Variants in COL14A1 observed in about 807,000 individuals in gnomAD.
The protein encoded by COL14A1 is collagen alpha-1(XIV) chain.
In COL14A1, 136 loss-of-function variants were observed where a neutral mutation model predicts 230.3. The ratio of observed to expected loss-of-function variants is 0.59; its 90% CI spans 0.51 to 0.68. The LOEUF (loss-of-function observed/expected upper bound fraction) is 0.68, where lower values mean the gene tolerates loss of function less well. Ranked by LOEUF, COL14A1 falls within the 30% of genes least tolerant of loss-of-function variation. The pLI, the probability that COL14A1 is intolerant of heterozygous loss-of-function variation, is 0.00. For synonymous variants in COL14A1, 792 were observed against 784.1 expected (o/e 1.01, Z -0.17); for missense variants, 1,976 against 2,215.8 (o/e 0.89, Z 2.17).
chr8:120,191,028 T>C (rs1816806418), intron 5 of COL14A1, among the ~76,000 whole-genome samples: 1 of 145,766 alleles, frequency 6.9e-6, no homozygotes, highest in Non-Finnish European at 1.5e-5. Context: ...GAAGGGTTTT[T>C]TGTGTCTCTA....
At chr8:120,216,982 C>T (rs975144392) in intron 14 of COL14A1, among the ~76,000 whole-genome samples, 1 of 152,146 alleles carries the variant, frequency 6.6e-6, no homozygotes, top group Non-Finnish European at 1.5e-5. Flanking sequence ...GAGATGTCAC[C>T]AGCTTCACCC....
chr8:120,238,551 G>T lies in COL14A1; in HGVS notation c.2350-5328G>T, dbSNP rs114407587. On this transcript the variant is annotated intron_variant, in intron 19 of 47. Transcript: ENST00000297848. ...GATCTTAGCTTGTTGGGCTCCGTGGGGGTTGGATCTGCTGAGCAAGACCAC... is the reference window on the plus strand; with the variant it reads ...GATCTTAGCTTGTTGGGCTCCGTGGTGGTTGGATCTGCTGAGCAAGACCAC... 8.8e-3 allele frequency among the ~76,000 whole-genome samples: 1,346 copies of T among 152,298 alleles called. 20 individuals carry two copies. Among genetic ancestry groups the T allele is most frequent in the African/African-American group, 0.031 (1,281 of 41,572 alleles).
At chr8:120,360,225 T>C (rs1472660678) in intron 45 of COL14A1, among the ~76,000 whole-genome samples, 1 of 152,202 alleles carries the variant, frequency 6.6e-6, no homozygotes, top group Non-Finnish European at 1.5e-5. Flanking sequence ...TATTGCCTTG[T>C]AGCACCCAGA....
intron 1 of COL14A1, among the ~76,000 whole-genome samples, chr8:120,136,675 A>G (rs1189884462): frequency 2.6e-5 from 4 of 151,932 alleles, no homozygotes; most frequent in African/African-American, 9.7e-5. Flanking sequence ...TAAAAAGGTT[A>G]TGTTAGGGCT....
chr8:120,168,314 C>A, intron 5 of COL14A1, 67 bp downstream of exon 5: 2 of 1,134,768 alleles, frequency 1.8e-6, no homozygotes, highest in Admixed American at 3.9e-5. Flanking sequence ...GCAATACTCA[C>A]ATGTGGGGTT....
intron 18 of COL14A1, among the ~76,000 whole-genome samples, chr8:120,230,757 C>A (rs1818241897): frequency 6.6e-6 from 1 of 151,818 alleles, no homozygotes; most frequent in Non-Finnish European, 1.5e-5. Flanking sequence ...TGAATATTTT[C>A]TAAATGAATT....
At chr8:120,339,054 G>A (rs78264069) in intron 42 of COL14A1, among the ~76,000 whole-genome samples, 1 of 152,124 alleles carries the variant, frequency 6.6e-6, no homozygotes, top group Non-Finnish European at 1.5e-5. Context: ...CGCCTCCCAG[G>A]TTCAAGTGAT....
chr8:120,227,220 G>A lies in COL14A1; in HGVS notation c.2005G>A (p.Val669Ile). 1 of 1,613,124 alleles carries A rather than the reference G, an allele frequency of 6.2e-7. No individual in the cohort carries two copies. Among genetic ancestry groups the A allele is most frequent in the Non-Finnish European group, 8.5e-7 (1 of 1,179,680 alleles). Reference sequence around the variant, plus strand: ...TACTAAGCACCAAAATATATTTCAGGTTGTCCTGAAAGAAGAGCAGGACTC... The same window carrying A: ...TACTAAGCACCAAAATATATTTCAGATTGTCCTGAAAGAAGAGCAGGACTC... ...IPVYGGKTEE[V>I]VLKEEQDSHV... Residue 669 changes from valine (V) to isoleucine (I), a missense_variant and splice_region_variant, in exon 17 of 48, where the codon GTT becomes ATT. Transcript: ENST00000297848.
chr8:120,220,264 C>A (rs549158500), intron 14 of COL14A1, among the ~76,000 whole-genome samples: 1 of 148,620 alleles, frequency 6.7e-6, no homozygotes, highest in South Asian at 2.1e-4. Flanking sequence ...GCTTAGTACC[C>A]AACATGCAAT....
chr8:120,202,130 C>T (rs985297306), intron 8 of COL14A1, among the ~76,000 whole-genome samples: 1 of 152,152 alleles, frequency 6.6e-6, no homozygotes, highest in Admixed American at 6.6e-5. Context: ...TAAAGGAAAT[C>T]TCTGCCAAAG....
At chr8:120,308,682 CTGACCCAG>C (rs1820927044) in intron 36 of COL14A1, among the ~76,000 whole-genome samples, 1 of 152,166 alleles carries the variant, frequency 6.6e-6, no homozygotes, top group African/African-American at 2.4e-5. Context: ...TAAAGATCAC[CTGACCCAG>C]TGTTTTCTTA....
At chr8:120,192,068 G>T (rs1816845572) in intron 5 of COL14A1, among the ~76,000 whole-genome samples, 1 of 151,964 alleles carries the variant, frequency 6.6e-6, no homozygotes, top group Admixed American at 6.6e-5. Context: ...ATTGTTATGT[G>T]TGAATTTGAT....
chr8:120,199,649 C>T (rs1401255310), intron 8 of COL14A1, 83 bp downstream of exon 8: 2 of 1,415,076 alleles, frequency 1.4e-6, no homozygotes, highest in East Asian at 2.5e-5. Flanking sequence ...AAATGCACTT[C>T]ACTGAAAGCC....
In COL14A1 at chr8:120,372,288, A is replaced by G. The variant is rs1252067354; in HGVS notation, c.*1057A>G. On this transcript the variant is annotated 3_prime_UTR_variant, in exon 48 of 48. Coordinates refer to ENST00000297848, the MANE Select transcript of COL14A1 (RefSeq NM_021110.4). ...TCTAGCAGGCAGCAAAGACCCTGCA[A>G]ATGCATGACCTCTGCTAAATAAATG... Among the ~76,000 whole-genome samples the G allele has an allele frequency of 6.6e-6, 1 of 152,214 alleles. No homozygotes were observed.
chr8:120,155,075 A>T (rs921797533), intron 2 of COL14A1, among the ~76,000 whole-genome samples: 4 of 152,178 alleles, frequency 2.6e-5, no homozygotes, highest in Non-Finnish European at 4.4e-5. Flanking sequence ...CCTAAAGAAA[A>T]TGTGTATGTT....
At chr8:120,155,199 T>C (rs1264134055) in intron 2 of COL14A1, among the ~76,000 whole-genome samples, 1 of 152,236 alleles carries the variant, frequency 6.6e-6, no homozygotes, top group Non-Finnish European at 1.5e-5. Context: ...CTAGCAGTTA[T>C]AATGGGAATG....
rs1248831275 is a variant in COL14A1, at chr8:120,196,844, G to A, written c.490G>A (p.Asp164Asn). The part of the protein sequence containing the change: ...PAIADIVILV[D>N]GSWSIGRFNF... ...AATTGCTGACATTGTAATCCTGGTC[G>A]ATGGTTCATGGAGTATTGGAAGATT... The change falls in exon 6 of 48, where the codon GAT becomes AAT. Residue 164 changes from aspartate (D) to asparagine (N), a missense_variant. This residue lies in a region of COL14A1 where 4 missense variants were observed against 17.7 expected (regional missense o/e 0.23). Coordinates refer to ENST00000297848, the MANE Select transcript of COL14A1 (RefSeq NM_021110.4). The A allele has an allele frequency of 1.2e-6, 2 of 1,613,938 alleles. No homozygotes were observed. The highest frequency in any genetic ancestry group is 1.7e-6 in the Non-Finnish European group (2 of 1,179,984).
intron 1 of COL14A1, among the ~76,000 whole-genome samples, chr8:120,145,237 C>T (rs1005083884): frequency 1.3e-5 from 2 of 152,078 alleles, no homozygotes; most frequent in African/African-American, 4.8e-5. Context: ...GTGTTGTGAC[C>T]TGGTGTTCAT....
At chr8:120,342,239 G>A (rs1324783817) in intron 43 of COL14A1, 141 bp from the exon 44 acceptor site, 3 of 712,610 alleles carry the variant, frequency 4.2e-6, no homozygotes, top group East Asian at 2.7e-5. Context: ...TGCATGCACC[G>A]TGGTGGTCAA....
Sources: gnomAD v4.1 joint callset for allele counts (sites outside exome capture counted in the v4.1 genomes callset) on GRCh38, gnomAD v4.1.1 for gene constraint, gnomAD v4.1.1 regional missense constraint, MANE v1.5 for transcripts, NCBI Gene and HGNC (gene_info 2026-07-23, HGNC 2026-07-21) for gene names.